The following ACSM3 variants were observed in gnomAD, a reference collection of about 807,000 sequenced individuals.
ACSM3 encodes the protein acyl-CoA synthetase medium chain family member 3, also known as acyl-coenzyme A synthetase ACSM3, mitochondrial.
A neutral mutation model predicts 74.1 loss-of-function variants in ACSM3; 61 were observed. That is an observed-to-expected ratio of 0.82 (90% confidence interval 0.67 to 1.02). ACSM3 has a LOEUF of 1.02. Ranked by LOEUF, ACSM3 falls within the 50% of genes least tolerant of loss-of-function variation. ACSM3 has a pLI of 0.00. For synonymous variants in ACSM3, 213 were observed against 241.5 expected, an observed-to-expected ratio of 0.88 and a Z score of 1.09; for missense variants, 660 against 697.0, an observed-to-expected ratio of 0.95 and a Z score of 0.60.
intron 12 of ACSM3, among the ~76,000 whole-genome samples, chr16:20,793,105 T>C (rs140293342): frequency 6.6e-6 from 1 of 152,288 alleles, no homozygotes; most frequent in African/African-American, 2.4e-5. Context: ...ATCCTAGGTA[T>C]AGGGCTTCAA....
intron 1 of ACSM3, chr16:20,737,237 T>C (rs2079878334): frequency 1.2e-6 from 2 of 1,614,152 alleles, no homozygotes; most frequent in Non-Finnish European, 1.7e-6. Flanking sequence ...CTGTGTACTG[T>C]GGATTGGTGA....
chr16:20,797,569 T>G lies in ACSM3; in HGVS notation c.*597T>G, dbSNP rs1379452134. 5.5e-5 allele frequency: 71 copies of G among 1,281,212 alleles called. No individual in the cohort carries two copies. The highest frequency in any genetic ancestry group is 6.9e-5 in the Non-Finnish European group (70 of 1,015,330). The allele number at this position is 1,281,212 out of a possible 1,614,324, so 79.4% of individuals were successfully genotyped here. A position where few individuals can be genotyped will look rare whatever the true frequency, so the allele number is the denominator to read the frequency against. ...TTATTATATGTAATCTAATAAATACTGTTTACAAAAGATTACACTTGTGGT... is the reference window on the plus strand; with the variant it reads ...TTATTATATGTAATCTAATAAATACGGTTTACAAAAGATTACACTTGTGGT... On this transcript the variant is annotated 3_prime_UTR_variant, in exon 14 of 14. Transcript: ENST00000289416.
upstream of ACSM3, among the ~76,000 whole-genome samples, chr16:20,761,199 C>G (rs2080074073): frequency 6.6e-6 from 1 of 152,134 alleles, no homozygotes; most frequent in Non-Finnish European, 1.5e-5. Flanking sequence ...ACCTCCACCT[C>G]CCAGGTTTGA....
At chr16:20,698,486 C>T (rs2079702300) in intron 1 of ACSM3, among the ~76,000 whole-genome samples, 2 of 152,060 alleles carry the variant, frequency 1.3e-5, no homozygotes, top group South Asian at 4.2e-4. Flanking sequence ...GACCTTCTTG[C>T]TCTGGGCCTC....
At chr16:20,699,867 A>G (rs972286335) in intron 1 of ACSM3, among the ~76,000 whole-genome samples, 1 of 152,140 alleles carries the variant, frequency 6.6e-6, no homozygotes, top group Non-Finnish European at 1.5e-5. Flanking sequence ...ACAGCGGACA[A>G]AGGAAAACTC....
At chr16:20,711,752 T>C (rs1401503691) in intron 1 of ACSM3, 16 of 396,276 alleles carry the variant, frequency 4.0e-5, no homozygotes, top group Non-Finnish European at 4.9e-6. Context: ...GGAATATCTT[T>C]GCCTCCAAGG....
At chr16:20,789,682 TTC>T (rs1334204507) in intron 9 of ACSM3, 9 of 631,572 alleles carry the variant, frequency 1.4e-5, no homozygotes, top group South Asian at 4.1e-5. Flanking sequence ...AACTCTATTT[TTC>T]TTTTTTTTTT....
At chr16:20,743,806 C>T (rs2079946846) in intron 1 of ACSM3, 1 of 152,228 alleles carries the variant, frequency 6.6e-6, no homozygotes, top group East Asian at 1.9e-4. Flanking sequence ...CCCCAAATCT[C>T]TCTCTCTTCT....
intron 1 of ACSM3, chr16:20,703,486 C>T (rs1206894731): frequency 1.3e-5 from 2 of 151,996 alleles, no homozygotes; most frequent in Admixed American, 1.3e-4. Flanking sequence ...CTCTTATTTT[C>T]TTGAGCAGTG....
intron 1 of ACSM3, among the ~76,000 whole-genome samples, chr16:20,696,980 T>C (rs2079693144): frequency 6.6e-6 from 1 of 152,206 alleles, no homozygotes; most frequent in Non-Finnish European, 1.5e-5. Context: ...ATTAGTGTGA[T>C]AATTTACTTG....
intron 13 of ACSM3, 127 bp downstream of exon 13, chr16:20,796,616 A>T: frequency 6.5e-7 from 1 of 1,528,194 alleles, no homozygotes; most frequent in Non-Finnish European, 8.7e-7. Context: ...AACTGATGAC[A>T]TATGGGTAAG....
upstream of ACSM3, among the ~76,000 whole-genome samples, chr16:20,761,756 T>TC: frequency 6.6e-6 from 1 of 152,086 alleles, no homozygotes; most frequent in Admixed American, 6.5e-5. Context: ...TCAGCAGCTT[T>TC]CCAATAAGAT....
intron 1 of ACSM3, chr16:20,703,132 G>A (rs531372473): frequency 6.6e-6 from 1 of 152,316 alleles, no homozygotes; most frequent in African/African-American, 2.4e-5. Flanking sequence ...TAGATGTATA[G>A]TGTTATTTCT....
chr16:20,726,274 C>T (rs1463669756), intron 1 of ACSM3, among the ~76,000 whole-genome samples: 1 of 152,158 alleles, frequency 6.6e-6, no homozygotes, highest in Non-Finnish European at 1.5e-5. Flanking sequence ...ACATGAACAT[C>T]CAGTAGAGTT....
intron 1 of ACSM3, chr16:20,728,080 AACTG>A: frequency 4.4e-6 from 1 of 226,684 alleles, no homozygotes; most frequent in Non-Finnish European, 8.9e-6. Flanking sequence ...AATCAGTCCA[AACTG>A]AATCTTAAGT....
At chr16:20,756,145 A>T (rs1248785621) in intron 3 of ACSM3, among the ~76,000 whole-genome samples, 1 of 151,892 alleles carries the variant, frequency 6.6e-6, no homozygotes, top group Non-Finnish European at 1.5e-5. Flanking sequence ...TTGGGTATAT[A>T]CCCAGTAATG....
intron 12 of ACSM3, among the ~76,000 whole-genome samples, chr16:20,793,556 G>T (rs183228324): frequency 6.6e-6 from 1 of 152,122 alleles, no homozygotes; most frequent in African/African-American, 2.4e-5. Flanking sequence ...CCCCAGGACT[G>T]ATTCCCCTAA....
At chr16:20,784,889 A>C in intron 7 of ACSM3, 95 bp from the exon 8 acceptor site, 2 of 1,420,648 alleles carry the variant, frequency 1.4e-6, no homozygotes, top group Non-Finnish European at 1.9e-6. Context: ...AAAGCGACTA[A>C]AACATTTTAT....
At position 20,777,523 on chromosome 16, in the gene ACSM3, A is replaced by C. The variant is rs2080269966; in HGVS notation, c.581A>C (p.Lys194Thr). The C allele has an allele frequency of 6.2e-7, 1 of 1,614,100 alleles. No individual in the cohort carries two copies. The highest frequency in any genetic ancestry group is 1.1e-5 in the South Asian group (1 of 91,084). The change falls in exon 4 of 14, where the codon AAG becomes ACG. Residue 194 changes from lysine to threonine, a missense_variant. Coordinates refer to ENST00000289416, the MANE Select transcript of ACSM3 (RefSeq NM_005622.4). ...TCCAAATGTGAAAATCTGCACTCCA[A>C]GCTGATTGTATCAGAGAACTCCAGA... ...VASKCENLHS[K>T]LIVSENSREG...
Sources: gnomAD v4.1 joint callset for allele counts (sites outside exome capture counted in the v4.1 genomes callset) on GRCh38, gnomAD v4.1.1 for gene constraint, MANE v1.5 for transcripts, NCBI Gene and HGNC (gene_info 2026-07-23, HGNC 2026-07-21) for gene names.